The following HYDIN variants were observed in gnomAD, a reference collection of about 807,000 sequenced individuals.
The protein encoded by HYDIN is axonemal central pair apparatus protein HYDIN.
In HYDIN, 132 loss-of-function variants were observed where a neutral mutation model predicts 403.9. That is an observed-to-expected ratio of 0.33 (90% CI 0.28 to 0.38). The LOEUF is 0.38. HYDIN is among the 10% of genes least tolerant of loss of function. The pLI is 1.00. For synonymous variants in HYDIN, 1,202 were observed against 1,891.7 expected (o/e 0.64, Z 9.46); for missense variants, 2,827 against 5,009.5 (o/e 0.56, Z 13.15).
chr16:71,217,929 T>C (rs140265595), intron 1 of HYDIN, among the ~76,000 whole-genome samples: 1 of 152,274 alleles, frequency 6.6e-6, no homozygotes, highest in East Asian at 1.9e-4. Flanking sequence ...TGAATCGTTG[T>C]TGAAAAATCT....
intron 10 of HYDIN, among the ~76,000 whole-genome samples, chr16:71,106,393 C>T (rs1044587192): frequency 6.6e-6 from 1 of 152,170 alleles, no homozygotes; most frequent in Non-Finnish European, 1.5e-5. Context: ...ACATCCCAAG[C>T]CTGAGCTGTG....
chr16:70,934,952 GA>G (rs1454304785), intron 45 of HYDIN, among the ~76,000 whole-genome samples: 1 of 150,456 alleles, frequency 6.6e-6, no homozygotes, highest in Non-Finnish European at 1.5e-5. Context: ...AATGATGAAT[GA>G]AATGTTGTCT....
intron 7 of HYDIN, among the ~76,000 whole-genome samples, chr16:71,148,348 T>C (rs2085400195): frequency 6.6e-6 from 1 of 152,174 alleles, no homozygotes; most frequent in Non-Finnish European, 1.5e-5. Flanking sequence ...TTTGCTGTCA[T>C]TACTTCCAAT....
At chr16:71,201,263 T>G (rs1041810580) in intron 1 of HYDIN, among the ~76,000 whole-genome samples, 2 of 152,244 alleles carry the variant, frequency 1.3e-5, no homozygotes, top group Admixed American at 6.5e-5. Flanking sequence ...ATGCCTTGCA[T>G]AGTGATTGGC....
chr16:70,818,799 T>C (rs1444874102), intron 83 of HYDIN, among the ~76,000 whole-genome samples: 2 of 151,038 alleles, frequency 1.3e-5, no homozygotes, highest in Non-Finnish European at 3.0e-5. Context: ...AGCCTGGGCT[T>C]GCTTTAGAAG....
chr16:71,221,439 ACCTCCTTCTCTGAGGACCTCTCTGAGGT>A (rs1046510804), intron 1 of HYDIN, among the ~76,000 whole-genome samples: 4 of 151,834 alleles, frequency 2.6e-5, no homozygotes, highest in African/African-American at 4.8e-5. Flanking sequence ...TCTCTGATGA[ACCTCCTTCTCTGAGGACCTCTCTGAGGT>A]CCTCCTTCAT....
At chr16:70,947,424 C>T (rs1362627569) in intron 41 of HYDIN, among the ~76,000 whole-genome samples, 2 of 152,006 alleles carry the variant, frequency 1.3e-5, no homozygotes. Flanking sequence ...TTCTGATGTG[C>T]TGCTGGATTC....
At chr16:71,067,920 C>T (rs2082329939) in intron 14 of HYDIN, among the ~76,000 whole-genome samples, 1 of 152,056 alleles carries the variant, frequency 6.6e-6, no homozygotes, top group Non-Finnish European at 1.5e-5. Context: ...ATAGAAAGTT[C>T]CAAAGAAAGG....
At chr16:70,808,176 G>T in intron 85 of HYDIN, 114 bp from the exon 86 acceptor site, 1 of 1,197,220 alleles carries the variant, frequency 8.4e-7, no homozygotes, top group South Asian at 1.5e-5. Flanking sequence ...GTCTGTGTGA[G>T]ACTGGGAATG....
intron 5 of HYDIN, among the ~76,000 whole-genome samples, chr16:71,172,585 T>C (rs929619808): frequency 2.4e-4 from 36 of 152,208 alleles, no homozygotes; most frequent in African/African-American, 8.2e-4. Flanking sequence ...ACCTGTTATC[T>C]GGGCATTTGG....
Position 71,067,369 on chromosome 16 carries a change from C to G in HYDIN, c.1996G>C (p.Val666Leu), listed in dbSNP as rs763747292. Residue 666 changes from valine (V) to leucine (L), a missense_variant, in exon 15 of 86, where the codon GTG becomes CTG. Coordinates refer to ENST00000393567, the MANE Select transcript of HYDIN (RefSeq NM_001270974.2). Reference protein sequence around the residue: ...AIRVTLCSNTVQKYELALVVD... With the variant: ...AIRVTLCSNTLQKYELALVVD... ...ACGAGTGCCAGCTCGTATTTCTGCA[C>G]AGTGTTGGAGCATAATGTCACCTGG... is the stretch of plus-strand genomic sequence containing the variant. 2 of 1,611,970 alleles carry G rather than the reference C, an allele frequency of 1.2e-6. No homozygotes were observed. The highest frequency in any genetic ancestry group is 1.7e-6 in the Non-Finnish European group (2 of 1,179,318).
intron 47 of HYDIN, among the ~76,000 whole-genome samples, chr16:70,909,327 T>C (rs2076625092): frequency 6.6e-6 from 1 of 152,206 alleles, no homozygotes; most frequent in Admixed American, 6.5e-5. Flanking sequence ...TTTAATCTGC[T>C]GTGTTTAATA....
At chr16:71,072,547 T>A (rs2082500165) in intron 13 of HYDIN, among the ~76,000 whole-genome samples, 1 of 150,436 alleles carries the variant, frequency 6.6e-6, no homozygotes, top group Non-Finnish European at 1.5e-5. Flanking sequence ...TGATAAAAAA[T>A]TTCACAATCT....
intron 15 of HYDIN, among the ~76,000 whole-genome samples, chr16:71,066,186 T>C (rs1236860296): frequency 6.6e-6 from 1 of 152,014 alleles, no homozygotes; most frequent in African/African-American, 2.4e-5. Flanking sequence ...TGAATAAGCC[T>C]GCATAGACAA....
chr16:71,201,194 C>T (rs2087989315), intron 1 of HYDIN, among the ~76,000 whole-genome samples: 1 of 152,142 alleles, frequency 6.6e-6, no homozygotes, highest in African/African-American at 2.4e-5. Flanking sequence ...TCCTTCCCTA[C>T]CAGAGAGCAA....
intron 73 of HYDIN, among the ~76,000 whole-genome samples, chr16:70,853,074 G>A (rs376126190): frequency 7.9e-5 from 12 of 151,944 alleles, no homozygotes; most frequent in African/African-American, 2.7e-4. Context: ...TTAGCTACTC[G>A]GGAGGCTGAG....
intron 73 of HYDIN, among the ~76,000 whole-genome samples, chr16:70,853,892 CTT>C (rs140632293): frequency 4.1e-4 from 49 of 120,850 alleles, no homozygotes; most frequent in African/African-American, 7.8e-4. Flanking sequence ...TTCTTTCTTT[CTT>C]TTTTTTTTTT....
chr16:70,961,147 G>C (rs1597420924), intron 38 of HYDIN, among the ~76,000 whole-genome samples: 1 of 152,076 alleles, frequency 6.6e-6, no homozygotes, highest in Non-Finnish European at 1.5e-5. Context: ...TCCAGGGTCA[G>C]CCCTGGAGGA....
intron 83 of HYDIN, among the ~76,000 whole-genome samples, chr16:70,821,496 T>G (rs1208822298): frequency 1.3e-5 from 2 of 152,134 alleles, no homozygotes; most frequent in Non-Finnish European, 1.5e-5. Context: ...TCCTTTCCTT[T>G]CATCGCTTTA....
Sources: allele counts gnomAD v4.1 joint callset (sites outside exome capture counted in the v4.1 genomes callset), GRCh38; gene constraint gnomAD v4.1.1; transcripts MANE v1.5; gene names NCBI Gene and HGNC (gene_info 2026-07-23, HGNC 2026-07-21).